IAH1: variants seen among roughly 807,000 people sequenced by gnomAD.
IAH1 encodes isoamyl acetate hydrolyzing esterase 1 (putative).
In IAH1, 24 loss-of-function variants were observed where a neutral mutation model predicts 26.7. The ratio of observed to expected loss-of-function variants is 0.90; its 90% CI spans 0.65 to 1.26. IAH1 has a LOEUF of 1.26. Among genes scored for constraint, IAH1 ranks in the 50% most tolerant of loss-of-function variants. IAH1 has a pLI of 0.00. For missense variants in IAH1, 300 were observed against 299.9 expected, an observed-to-expected ratio of 1.00 and a Z score of 0.00; for synonymous variants, 140 against 118.5, an observed-to-expected ratio of 1.18 and a Z score of -1.18.
intron 3 of IAH1, chr2:9,480,995 G>T: frequency 7.5e-6 from 2 of 265,006 alleles, no homozygotes; most frequent in Middle Eastern, 1.2e-3. Context: ...AACAGGGTGG[G>T]CTCTTTAATT....
At chr2:9,490,400 G>A (rs1259676841), downstream of IAH1, 1 of 1,614,062 alleles carries the variant, frequency 6.2e-7, no homozygotes, top group African/African-American at 1.3e-5. Context: ...CAGTTTTGGA[G>A]CTGCTGGCGC....
the IAH1 span, among the ~76,000 whole-genome samples, chr2:9,502,658 C>T: frequency 6.6e-6 from 1 of 151,948 alleles, no homozygotes; most frequent in Admixed American, 6.6e-5. Flanking sequence ...GGGTGGATCA[C>T]CTGAGGTCAG....
At chr2:9,492,895 T>TA (rs755633109), downstream of IAH1, 19 of 1,607,858 alleles carry the variant, frequency 1.2e-5, no homozygotes, top group Non-Finnish European at 2.6e-6. Context: ...GTTGATGACT[T>TA]ACCACACAAT....
At chr2:9,475,698 G>C in intron 1 of IAH1, 1 of 436,840 alleles carries the variant, frequency 2.3e-6, no homozygotes, top group Non-Finnish European at 4.2e-6. Flanking sequence ...ACGGGGTTTC[G>C]CCATGTTGAC....
At chr2:9,478,495 ATGT>A in intron 3 of IAH1, 125 bp downstream of exon 3, 1 of 882,954 alleles carries the variant, frequency 1.1e-6, no homozygotes, top group Non-Finnish European at 1.7e-6. Context: ...TGCCAAACTT[ATGT>A]TGTTTATATG....
chr2:9,500,408 G>T (rs1338472534), downstream of IAH1, among the ~76,000 whole-genome samples: 1 of 152,192 alleles, frequency 6.6e-6, no homozygotes. Flanking sequence ...GTGGGGAATG[G>T]GGGGATTGGA....
At chr2:9,475,175 GATC>G in intron 1 of IAH1, 1 of 1,288,754 alleles carries the variant, frequency 7.8e-7, no homozygotes, top group Non-Finnish European at 1.0e-6. Flanking sequence ...GTTCATCCAA[GATC>G]ATCTCACCTC....
downstream of IAH1, chr2:9,492,752 C>G: frequency 1.7e-6 from 1 of 586,156 alleles, no homozygotes; most frequent in Non-Finnish European, 2.9e-6. Flanking sequence ...AAGACATGTT[C>G]CCCTAGGAAT....
the IAH1 span, among the ~76,000 whole-genome samples, chr2:9,503,845 A>AG: frequency 6.6e-6 from 1 of 151,340 alleles, no homozygotes; most frequent in Admixed American, 6.6e-5. Context: ...CTCAAAAAAA[A>AG]AAAAAAAGAA....
chr2:9,475,554 G>C (rs1388003926), intron 1 of IAH1: 4 of 223,358 alleles, frequency 1.8e-5, no homozygotes, highest in African/African-American at 9.4e-5. Flanking sequence ...AGACTGGAGT[G>C]CAGTAGCGCG....
rs377084834 is a variant in IAH1 at position 9,494,787 on chromosome 2, T to C, written c.*149T>C. The C allele has an allele frequency of 3.1e-6, 5 of 1,613,192 alleles. No homozygotes were observed. In the African/African-American group the frequency reaches 5.3e-5, roughly 17 times the overall value. On this transcript the variant is annotated 3_prime_UTR_variant, in exon 6 of 7. Transcript: ENST00000481367. ...CAGTTTCTGGAACAGAGAACACGCA[T>C]TGACAGCTGGATTGTTCTGAGACCT...
Position 9,481,193 on chromosome 2 carries a change from C to A in IAH1, c.284-93C>A, listed in dbSNP as rs77857049. On this transcript the variant is annotated intron_variant, in intron 3 of 5. Transcript: ENST00000497473. Reference sequence around the variant, plus strand: ...TGTTAAACAATCCCCCCAGTGACATCATGAATAACAGGCATTTGCAGAAGT... The same window carrying A: ...TGTTAAACAATCCCCCCAGTGACATAATGAATAACAGGCATTTGCAGAAGT... 5.2e-6 allele frequency: 7 copies of A among 1,345,196 alleles called. No individual in the cohort carries two copies. The East Asian group carries it at 1.6e-4, about 31-fold the overall frequency. 83.3% of individuals were successfully genotyped at this position (1,345,196 alleles called of 1,614,324 possible). A position where few individuals can be genotyped will look rare whatever the true frequency, so the allele number is the denominator to read the frequency against.
chr2:9,490,394 T>G (rs1428002429), downstream of IAH1: 1 of 1,614,042 alleles, frequency 6.2e-7, no homozygotes, highest in Non-Finnish European at 8.5e-7. Flanking sequence ...GTGGTCCAGT[T>G]TTGGAGCTGC....
At chr2:9,490,381 CTGG>C (rs1662026391), downstream of IAH1, 2 of 1,614,154 alleles carry the variant, frequency 1.2e-6, no homozygotes, top group African/African-American at 1.3e-5. Flanking sequence ...TGTCCATTCT[CTGG>C]TGGTCCAGTT....
chr2:9,498,243 T>C (rs767569176), downstream of IAH1, among the ~76,000 whole-genome samples: 22 of 152,236 alleles, frequency 1.4e-4, no homozygotes, highest in Non-Finnish European at 2.5e-4. Context: ...GTGTTGACCA[T>C]GCTGGTGTAA....
intron 3 of IAH1, among the ~76,000 whole-genome samples, chr2:9,479,135 A>G (rs530094422): frequency 8.5e-5 from 13 of 152,296 alleles, no homozygotes; most frequent in African/African-American, 2.6e-4. Context: ...CGTAGATGAC[A>G]GGTATCGGTG....
At chr2:9,492,928 C>CCAAAATATCAAGG, downstream of IAH1, 7 of 1,612,696 alleles carry the variant, frequency 4.3e-6, no homozygotes, top group Non-Finnish European at 5.9e-6. Context: ...TGAAAGGAAT[C>CCAAAATATCAAGG]CAAAATATCA....
intron 4 of IAH1, 68 bp from the exon 5 acceptor site, chr2:9,484,364 A>G (rs568133720): frequency 8.4e-7 from 1 of 1,187,566 alleles, no homozygotes; most frequent in Non-Finnish European, 1.3e-6. Flanking sequence ...AGATGAGTGG[A>G]GCAGAACTTA....
At chr2:9,496,334 T>G (rs1404850233) in exon 7 of IAH1, 1 of 151,838 alleles carries the variant, frequency 6.6e-6, no homozygotes, top group East Asian at 2.0e-4. Context: ...TTTGCCATGT[T>G]GACCAAGCTG....
Sources: gnomAD v4.1 joint callset for allele counts (sites outside exome capture counted in the v4.1 genomes callset) on GRCh38, gnomAD v4.1.1 for gene constraint, MANE v1.5 for transcripts, NCBI Gene and HGNC (gene_info 2026-07-23, HGNC 2026-07-21) for gene names.